DENND5B: variants seen among roughly 807,000 people sequenced by gnomAD.
DENND5B encodes the protein DENN domain containing 5B, also known as DENN domain-containing protein 5B.
In DENND5B, 34 loss-of-function variants were observed where a neutral mutation model predicts 140.6. The ratio of observed to expected loss-of-function variants is 0.24; its 90% CI spans 0.18 to 0.32. The LOEUF (loss-of-function observed/expected upper bound fraction) is 0.32. Ranked by LOEUF, DENND5B falls within the 10% of genes least tolerant of loss-of-function variation. The pLI is 1.00. For missense variants in DENND5B, 1,142 were observed against 1,560.2 expected, an observed-to-expected ratio of 0.73 and a Z score of 4.52; for synonymous variants, 551 against 562.1, an observed-to-expected ratio of 0.98 and a Z score of 0.28.
intron 4 of DENND5B, among the ~76,000 whole-genome samples, chr12:31,454,704 C>T (rs1944689398): frequency 6.6e-6 from 1 of 151,826 alleles, no homozygotes; most frequent in African/African-American, 2.4e-5. Context: ...CAGCCTCTCA[C>T]AGTGCTGGGA....
At position 31,426,393 on chromosome 12, in the gene DENND5B, T is replaced by C. The variant is rs776105684; in HGVS notation, c.2138A>G (p.Lys713Arg). 6 of 1,612,374 alleles carry C rather than the reference T, an allele frequency of 3.7e-6. No homozygotes were observed. The highest frequency in any genetic ancestry group is 2.2e-5 in the East Asian group (1 of 44,874). Residue 713 changes from lysine to arginine, a missense_variant, in exon 9 of 21, where the codon AAA becomes AGA. Lys to Arg is a conservative substitution (Grantham distance 26). Transcript: ENST00000389082. ...KYMQEARSLG[K>R]NLRQPKLSDL... is the part of the protein sequence containing the mutation. Reference sequence around the variant, plus strand: ...TGACAGTTTGGGTTGCCTCAGGTTTTTTCCTAAACTTCGTGCCTCTTGCAT... The same window carrying C: ...TGACAGTTTGGGTTGCCTCAGGTTTCTTCCTAAACTTCGTGCCTCTTGCAT...
At chr12:31,536,808 G>A in intron 1 of DENND5B, among the ~76,000 whole-genome samples, 1 of 152,060 alleles carries the variant, frequency 6.6e-6, no homozygotes, top group East Asian at 1.9e-4. Context: ...AAAGGTCAAG[G>A]ATAAAGAAAG....
chr12:31,473,168 G>A (rs2138442447), intron 3 of DENND5B, among the ~76,000 whole-genome samples: 1 of 152,248 alleles, frequency 6.6e-6, no homozygotes, highest in Admixed American at 6.5e-5. Flanking sequence ...AAACTCCTGG[G>A]CTCAAGTGAT....
At chr12:31,499,534 T>C in intron 1 of DENND5B, 1 of 1,260,938 alleles carries the variant, frequency 7.9e-7, no homozygotes, top group South Asian at 1.9e-5. Context: ...AAAGAAACAT[T>C]TATAATGGGC....
intron 1 of DENND5B, among the ~76,000 whole-genome samples, chr12:31,499,920 T>C (rs1463345977): frequency 1.3e-5 from 2 of 152,198 alleles, no homozygotes; most frequent in African/African-American, 4.8e-5. Context: ...AGGTTTTGTA[T>C]GGGAAATAGC....
chr12:31,508,344 CA>C (rs1947282275), intron 1 of DENND5B, among the ~76,000 whole-genome samples: 1 of 152,156 alleles, frequency 6.6e-6, no homozygotes, highest in South Asian at 2.1e-4. Flanking sequence ...TAAGCTTACA[CA>C]AAAATACCAC....
Position 31,400,990 on chromosome 12 carries a change from G to A in DENND5B, c.2950-1218C>T, listed in dbSNP as rs1039416203. 3.9e-5 allele frequency among the ~76,000 whole-genome samples: 6 copies of A among 152,044 alleles called. No homozygotes were observed. In the East Asian group the frequency reaches 9.6e-4, roughly 24 times the overall value. ...CCCGAGAAGCTGGGATTACAGGCAT[G>A]TGCCACCATGCCCGGCTAATTTTTG... On this transcript the variant is annotated intron_variant, in intron 15 of 20. Transcript: ENST00000389082.
chr12:31,456,593 G>A (rs539271433), intron 4 of DENND5B, among the ~76,000 whole-genome samples: 1 of 152,306 alleles, frequency 6.6e-6, no homozygotes, highest in South Asian at 2.1e-4. Context: ...TAGTGTATGA[G>A]ACAACTGTTT....
rs535729389 is a variant in DENND5B at position 31,496,293 on chromosome 12, T to C, written c.128-374A>G. 4.6e-5 allele frequency among the ~76,000 whole-genome samples: 7 copies of C among 152,278 alleles called. No individual in the cohort carries two copies. In the South Asian group the frequency reaches 8.3e-4, roughly 18 times the overall value. On this transcript the variant is annotated intron_variant, in intron 1 of 20. Transcript: ENST00000389082. ...ATTAAGCTAATCATATGTCTTATGA[T>C]CCTAAAATTTTATACACACTTAGAC...
intron 11 of DENND5B, among the ~76,000 whole-genome samples, chr12:31,422,773 C>T (rs1438695096): frequency 2.0e-5 from 3 of 151,986 alleles, no homozygotes; most frequent in East Asian, 1.9e-4. Context: ...GAAAAATACA[C>T]AGTAGGTAGA....
chr12:31,533,544 G>A (rs929686959), intron 1 of DENND5B, among the ~76,000 whole-genome samples: 14 of 152,038 alleles, frequency 9.2e-5, no homozygotes, highest in African/African-American at 3.4e-4. Flanking sequence ...GCTTTGTAAG[G>A]TTTCTATAAA....
intron 1 of DENND5B, among the ~76,000 whole-genome samples, chr12:31,565,310 C>T (rs1949589232): frequency 6.6e-6 from 1 of 152,174 alleles, no homozygotes; most frequent in Non-Finnish European, 1.5e-5. Context: ...AGAAAGATCG[C>T]TTGAGCCCAG....
chr12:31,454,618 T>C (rs2138162851), intron 4 of DENND5B, among the ~76,000 whole-genome samples: 1 of 151,444 alleles, frequency 6.6e-6, no homozygotes, highest in Middle Eastern at 3.4e-3. Context: ...AATTTTTTTA[T>C]ATTCTTAGTA....
At chr12:31,584,468 GTC>G (rs1414496340) in intron 1 of DENND5B, among the ~76,000 whole-genome samples, 1 of 152,168 alleles carries the variant, frequency 6.6e-6, no homozygotes, top group Non-Finnish European at 1.5e-5. Context: ...CAGTGTCTTA[GTC>G]TGTTTTCGTG....
intron 3 of DENND5B, among the ~76,000 whole-genome samples, chr12:31,469,143 T>C (rs1945420652): frequency 6.6e-6 from 1 of 151,920 alleles, no homozygotes. Context: ...AAGACCAGCC[T>C]GGCCAACGTG....
chr12:31,575,238 TC>T (rs1949969933), intron 1 of DENND5B, among the ~76,000 whole-genome samples: 1 of 152,226 alleles, frequency 6.6e-6, no homozygotes, highest in Admixed American at 6.5e-5. Context: ...ACACTGTGGT[TC>T]TAAAAGTAAA....
At chr12:31,556,796 T>C (rs573971329) in intron 1 of DENND5B, among the ~76,000 whole-genome samples, 1 of 152,240 alleles carries the variant, frequency 6.6e-6, no homozygotes, top group Non-Finnish European at 1.5e-5. Context: ...GAACTGTTTA[T>C]ATTCCTTCAA....
At chr12:31,451,127 C>T (rs1401271391) in intron 5 of DENND5B, among the ~76,000 whole-genome samples, 2 of 152,086 alleles carry the variant, frequency 1.3e-5, no homozygotes, top group Non-Finnish European at 2.9e-5. Context: ...TTTACATGGA[C>T]AAGTTGTGAC....
chr12:31,569,089 G>A (rs760612524), intron 1 of DENND5B, among the ~76,000 whole-genome samples: 38 of 122,606 alleles, frequency 3.1e-4, no homozygotes, highest in African/African-American at 1.1e-3. Flanking sequence ...TTTTTGAGAC[G>A]AGGGTCTTAC....
Sources: gnomAD v4.1 joint callset for allele counts (sites outside exome capture counted in the v4.1 genomes callset) on GRCh38, gnomAD v4.1.1 for gene constraint, MANE v1.5 for transcripts, NCBI Gene and HGNC (gene_info 2026-07-23, HGNC 2026-07-21) for gene names.